Variants in BLTP1 observed in about 807,000 individuals in gnomAD.
BLTP1 encodes bridge-like lipid transfer protein family member 1, also known as fragile site-associated protein.
the BLTP1 span, chr4:122,244,064 T>C: frequency 5.2e-6 from 8 of 1,525,256 alleles, no homozygotes; most frequent in Non-Finnish European, 7.0e-6. Flanking sequence ...TGTTGCTTTA[T>C]ACAATGATTA....
chr4:122,200,583 CAAAAA>C, the BLTP1 span: 22 of 901,482 alleles, frequency 2.4e-5, no homozygotes, highest in Admixed American at 1.1e-4. Context: ...CGTCTCAAAA[CAAAAA>C]AAAAAAAAAA....
chr4:122,279,652 T>C, the BLTP1 span: 2 of 1,113,302 alleles, frequency 1.8e-6, no homozygotes, highest in Non-Finnish European at 1.2e-6. Context: ...ATACACATTT[T>C]CCATGAACTT....
chr4:122,217,861 A>G, the BLTP1 span, among the ~76,000 whole-genome samples: 2 of 151,896 alleles, frequency 1.3e-5, no homozygotes, highest in Non-Finnish European at 2.9e-5. Flanking sequence ...TTTGTTGGCA[A>G]TTTTTAAAAA....
the BLTP1 span, chr4:122,254,068 AAGG>A: frequency 1.5e-5 from 12 of 809,744 alleles, no homozygotes; most frequent in Admixed American, 2.6e-5. Flanking sequence ...TTCAAACCTG[AAGG>A]AGAAGTAAAG....
the BLTP1 span, chr4:122,210,914 C>G: frequency 6.2e-7 from 1 of 1,611,960 alleles, no homozygotes; most frequent in African/African-American, 1.3e-5. Flanking sequence ...ACAATGCTAT[C>G]TGTATTAAGG....
the BLTP1 span, chr4:122,204,726 T>G: frequency 2.0e-6 from 1 of 503,662 alleles, no homozygotes; most frequent in African/African-American, 2.1e-5. Flanking sequence ...GTTGGTTATA[T>G]CCGGAGATGA....
chr4:122,288,326 A>G, the BLTP1 span, among the ~76,000 whole-genome samples: 3 of 152,168 alleles, frequency 2.0e-5, no homozygotes, highest in Non-Finnish European at 4.4e-5. Context: ...TCATAGCTGC[A>G]TCCTTAGCAC....
At chr4:122,302,195 A>C in the BLTP1 span, 2 of 794,682 alleles carry the variant, frequency 2.5e-6, no homozygotes, top group South Asian at 1.2e-4. Context: ...ACTAAATTTT[A>C]AATATAAAAT....
chr4:122,254,861 T>C, the BLTP1 span: 1 of 1,613,844 alleles, frequency 6.2e-7, no homozygotes, highest in Non-Finnish European at 8.5e-7. Context: ...CTTGTTCCCA[T>C]TGACCAACTC....
chr4:122,207,667 C>G, the BLTP1 span: 1 of 1,476,800 alleles, frequency 6.8e-7, no homozygotes, highest in Non-Finnish European at 9.4e-7. Context: ...ATTATTTATT[C>G]CACAGGTGTA....
At chr4:122,221,330 A>G in the BLTP1 span, among the ~76,000 whole-genome samples, 1 of 152,162 alleles carries the variant, frequency 6.6e-6, no homozygotes, top group Non-Finnish European at 1.5e-5. Context: ...ATGAGATCAT[A>G]TTAGCTAAAA....
chr4:122,234,738 T>G, the BLTP1 span: 1 of 1,541,102 alleles, frequency 6.5e-7, no homozygotes, highest in East Asian at 2.3e-5. Flanking sequence ...TTTTTTTATG[T>G]TGTTGTTTTT....
chr4:122,231,694 A>G, the BLTP1 span: 19,922 of 971,540 alleles, frequency 0.021, 1,325 homozygotes, highest in African/African-American at 0.21. Context: ...TTGTTAACAT[A>G]TAAAACTCGA....
At chr4:122,351,899 G>C in the BLTP1 span, among the ~76,000 whole-genome samples, 2 of 152,156 alleles carry the variant, frequency 1.3e-5, no homozygotes, top group Non-Finnish European at 2.9e-5. Context: ...TTATGGGTGA[G>C]AGGTATGGAA....
At chr4:122,325,540 C>T in the BLTP1 span, 1 of 1,224,902 alleles carries the variant, frequency 8.2e-7, no homozygotes, top group Non-Finnish European at 1.0e-6. Context: ...TTTACATGCA[C>T]AATAAAGGCT....
chr4:122,173,213 AT>A, the BLTP1 span: 2 of 1,556,844 alleles, frequency 1.3e-6, no homozygotes, highest in African/African-American at 1.4e-5. Flanking sequence ...TTGTCTTACC[AT>A]TTTTTGTTGC....
At chr4:122,299,793 G>A in the BLTP1 span, 3 of 984,624 alleles carry the variant, frequency 3.0e-6, no homozygotes, top group Middle Eastern at 5.2e-4. Flanking sequence ...TCAATGATGA[G>A]GCTTAGGTAA....
chr4:122,325,680 T>TA, the BLTP1 span: 1 of 1,015,582 alleles, frequency 9.8e-7, no homozygotes, highest in Non-Finnish European at 1.3e-6. Context: ...GTATTTTATT[T>TA]ATAGATAGCA....
the BLTP1 span, chr4:122,344,560 T>C: frequency 6.4e-7 from 1 of 1,571,240 alleles, no homozygotes; most frequent in East Asian, 2.2e-5. Context: ...TAAATATATC[T>C]GGTACTCAAT....
Sources: gnomAD v4.1 joint callset for allele counts (sites outside exome capture counted in the v4.1 genomes callset) on GRCh38, gnomAD v4.1.1 for gene constraint, MANE v1.5 for transcripts, NCBI Gene and HGNC (gene_info 2026-07-23, HGNC 2026-07-21) for gene names.